GALNTL6: variants seen among roughly 807,000 people sequenced by gnomAD.
The protein encoded by GALNTL6 is polypeptide N-acetylgalactosaminyltransferase-like 6.
GALNTL6 carries 46 observed loss-of-function variants against 73.7 expected under a neutral mutation model. The observed-to-expected ratio is 0.62, with a 90% CI of 0.49 to 0.80. The LOEUF is 0.80. GALNTL6 is among the 30% of genes least tolerant of loss of function. The probability of loss-of-function intolerance (pLI) is 0.00; values close to 1 mark genes in which losing one functional copy is unlikely to be tolerated. For missense variants in GALNTL6, 604 were observed against 755.0 expected, an observed-to-expected ratio of 0.80 and a Z score of 2.34; for synonymous variants, 259 against 263.7, an observed-to-expected ratio of 0.98 and a Z score of 0.17.
intron 2 of GALNTL6, among the ~76,000 whole-genome samples, chr4:172,202,558 A>T (rs28418546): frequency 0.43 from 65,519 of 151,958 alleles, 14,838 homozygotes; most frequent in African/African-American, 0.57. Context: ...AGATAATTAT[A>T]TTGGGTAGAA....
At chr4:172,916,911 T>C (rs948156558) in intron 8 of GALNTL6, among the ~76,000 whole-genome samples, 10 of 152,156 alleles carry the variant, frequency 6.6e-5, no homozygotes, top group Admixed American at 2.6e-4. Flanking sequence ...AAAGTTCATA[T>C]GGAACCAAAA....
At position 172,713,612 on chromosome 4, in the gene GALNTL6, G is replaced by A. The variant is rs1734862776; in HGVS notation, c.554-95749G>A. On this transcript the variant is annotated intron_variant, in intron 5 of 12. Transcript: ENST00000506823. ...AACATGTTGATGCATAAAATTAACT[G>A]TCACATCTTCTTTTTATCAGAAAGT... is the stretch of plus-strand genomic sequence containing the variant. Among the ~76,000 whole-genome samples the A allele has an allele frequency of 2.0e-5, 3 of 152,078 alleles. 1 individual carries two copies. Among genetic ancestry groups the A allele is most frequent in the Non-Finnish European group, 4.4e-5 (3 of 68,022 alleles).
intron 2 of GALNTL6, among the ~76,000 whole-genome samples, chr4:171,913,568 T>C (rs1737531443): frequency 1.3e-5 from 2 of 152,186 alleles, no homozygotes; most frequent in South Asian, 4.1e-4. Context: ...AAGCAAACCA[T>C]TTTTCATATA....
intron 5 of GALNTL6, among the ~76,000 whole-genome samples, chr4:172,640,861 G>A (rs564650462): frequency 2.9e-4 from 44 of 152,042 alleles, no homozygotes; most frequent in Admixed American, 3.3e-4. Context: ...ATTTTATACT[G>A]CCAACTCAGA....
intron 5 of GALNTL6, among the ~76,000 whole-genome samples, chr4:172,659,625 G>C (rs1731266465): frequency 6.6e-6 from 1 of 151,822 alleles, no homozygotes; most frequent in Non-Finnish European, 1.5e-5. Flanking sequence ...ATGTCTTTTT[G>C]ATGTGCCTAA....
At chr4:172,913,470 T>C (rs1258228757) in intron 8 of GALNTL6, among the ~76,000 whole-genome samples, 3 of 152,088 alleles carry the variant, frequency 2.0e-5, no homozygotes, top group African/African-American at 7.2e-5. Flanking sequence ...TTCGAGCCCA[T>C]TGCAAGGAAG....
At chr4:172,374,131 C>T (rs1252661232) in intron 5 of GALNTL6, among the ~76,000 whole-genome samples, 5 of 152,220 alleles carry the variant, frequency 3.3e-5, no homozygotes, top group South Asian at 2.1e-4. Context: ...GCTTGTTTCT[C>T]ATTGGACAAT....
chr4:172,893,327 T>TAAG (rs907175741), intron 8 of GALNTL6, among the ~76,000 whole-genome samples: 6 of 148,158 alleles, frequency 4.0e-5, no homozygotes, highest in African/African-American at 1.6e-4. Context: ...ATCACTCTTC[T>TAAG]AAGTGTTCTG....
chr4:172,324,990 A>C (rs1330703846), intron 4 of GALNTL6, among the ~76,000 whole-genome samples: 1 of 151,638 alleles, frequency 6.6e-6, no homozygotes, highest in South Asian at 2.1e-4. Context: ...CATTTAGTAA[A>C]GTAAGTACAA....
At position 172,068,668 on chromosome 4, in the gene GALNTL6, A is replaced by G. The variant is rs140863776; in HGVS notation, c.139-160988A>G. Among the ~76,000 whole-genome samples, 601 of 110,678 alleles carry G rather than the reference A, an allele frequency of 5.4e-3. 196 individuals are homozygous for G. Among genetic ancestry groups the G allele is most frequent in the African/African-American group, 0.02 (584 of 29,466 alleles). 72.6% of individuals were successfully genotyped at this position (110,678 alleles called of 152,430 possible). On this transcript the variant is annotated intron_variant, in intron 2 of 12. Transcript: ENST00000506823. ...TCTTTTTTACACATTAATAGACACAATGTGAATCTGCTTACTAATCTGCCC... is the reference window on the plus strand; with the variant it reads ...TCTTTTTTACACATTAATAGACACAGTGTGAATCTGCTTACTAATCTGCCC...
At chr4:171,955,127 G>A (rs901868364) in intron 2 of GALNTL6, among the ~76,000 whole-genome samples, 1 of 152,136 alleles carries the variant, frequency 6.6e-6, no homozygotes, top group African/African-American at 2.4e-5. Context: ...GACAGTCAAT[G>A]TAAGGCTGAG....
At chr4:172,153,116 C>T (rs1734150036) in intron 2 of GALNTL6, among the ~76,000 whole-genome samples, 1 of 152,226 alleles carries the variant, frequency 6.6e-6, no homozygotes, top group African/African-American at 2.4e-5. Flanking sequence ...ACACCAACCC[C>T]TAAACAACGT....
In GALNTL6 at chr4:172,070,057, T is replaced by C. The variant is rs1348309235; in HGVS notation, c.139-159599T>C. On this transcript the variant is annotated intron_variant, in intron 2 of 12. Transcript: ENST00000506823. ...TAGGAAAATGTGAGCTATGGAGTCA[T>C]CTTGTGGAGAACATTCCCAGCAGGA... Among the ~76,000 whole-genome samples the C allele has an allele frequency of 1.8e-5, 2 of 108,860 alleles. 1 individual carries two copies. 71.4% of individuals were successfully genotyped at this position (108,860 alleles called of 152,430 possible). A position where few individuals can be genotyped will look rare whatever the true frequency, so the allele number is the denominator to read the frequency against.
intron 2 of GALNTL6, among the ~76,000 whole-genome samples, chr4:172,057,221 A>G (rs1731041343): frequency 6.6e-6 from 1 of 152,056 alleles, no homozygotes; most frequent in East Asian, 1.9e-4. Context: ...CAACCTGAGC[A>G]ACATGGCGAA....
rs1737167721 is a variant in GALNTL6, at chr4:172,747,355, A to T, written c.554-62006A>T. On this transcript the variant is annotated intron_variant, in intron 5 of 12. Transcript: ENST00000506823. ...TAACCCCATTAAAAATGGGCAAAGA[A>T]CTTGAATAGACAGTTCCCAAAAGAA... is the stretch of plus-strand genomic sequence containing the variant. Among the ~76,000 whole-genome samples, 4 of 152,142 alleles carry T rather than the reference A, an allele frequency of 2.6e-5. No individual in the cohort carries two copies. In the South Asian group the frequency reaches 8.3e-4, roughly 31 times the overall value.
chr4:171,834,960 A>G (rs1735063139), intron 2 of GALNTL6, among the ~76,000 whole-genome samples: 1 of 152,014 alleles, frequency 6.6e-6, no homozygotes, highest in African/African-American at 2.4e-5. Context: ...ACAATATTTC[A>G]TAGTAGTTAG....
chr4:172,178,197 A>G (rs140075907), intron 2 of GALNTL6, among the ~76,000 whole-genome samples: 1,531 of 152,242 alleles, frequency 0.01, 13 homozygotes, highest in Middle Eastern at 0.02. Context: ...AAATTGTTAT[A>G]AGAATTAGAG....
At chr4:172,841,536 G>A (rs1743205588) in intron 7 of GALNTL6, among the ~76,000 whole-genome samples, 1 of 152,148 alleles carries the variant, frequency 6.6e-6, no homozygotes, top group African/African-American at 2.4e-5. Context: ...AAGAAAAGAA[G>A]TTTAATTGAC....
chr4:171,820,921 A>G (rs1201596154), intron 2 of GALNTL6, among the ~76,000 whole-genome samples: 1 of 152,232 alleles, frequency 6.6e-6, no homozygotes, highest in Admixed American at 6.5e-5. Context: ...CTTGAAATCT[A>G]GAAATCCAGA....
Sources: allele counts gnomAD v4.1 joint callset (sites outside exome capture counted in the v4.1 genomes callset), GRCh38; gene constraint gnomAD v4.1.1; transcripts MANE v1.5; gene names NCBI Gene and HGNC (gene_info 2026-07-23, HGNC 2026-07-21).